The following PCDH9 variants were observed in gnomAD, a reference collection of about 807,000 sequenced individuals.
PCDH9 encodes the protein protocadherin-9.
PCDH9 carries 24 observed loss-of-function variants against 70.6 expected under a neutral mutation model. That is an observed-to-expected ratio of 0.34 (90% CI 0.25 to 0.48). PCDH9 has a LOEUF of 0.48. Among genes scored for constraint, PCDH9 ranks in the 20% least tolerant of loss-of-function variants. PCDH9 has a pLI of 0.99. For missense variants in PCDH9, 1,281 were observed against 1,503.6 expected (o/e 0.85, Z 2.45); for synonymous variants, 562 against 558.5 (o/e 1.01, Z -0.09).
chr13:67,018,018 A>G (rs2084595867), intron 2 of PCDH9, among the ~76,000 whole-genome samples: 1 of 152,102 alleles, frequency 6.6e-6, no homozygotes, highest in Non-Finnish European at 1.5e-5. Flanking sequence ...TGTTCTGTTA[A>G]TTTTTTTGAT....
chr13:66,763,183 A>G (rs117047886), intron 3 of PCDH9, among the ~76,000 whole-genome samples: 6,391 of 151,950 alleles, frequency 0.042, 176 homozygotes, highest in Middle Eastern at 0.12. Context: ...TATGAATTTT[A>G]TAAAATGACA....
rs2077360628 is a variant in PCDH9 at position 66,616,680 on chromosome 13, T to C, written c.3340+14530A>G. On this transcript the variant is annotated intron_variant, in intron 4 of 4. Transcript: ENST00000377865. ...AATAGGATGACTATCACTTGGAGGT[T>C]TCCTTTCTGGGAAAGCAGGACCAAG... Among the ~76,000 whole-genome samples the C allele has an allele frequency of 2.6e-5, 4 of 152,040 alleles. No individual in the cohort carries two copies. In the South Asian group the frequency reaches 8.3e-4, roughly 32 times the overall value.
intron 4 of PCDH9, among the ~76,000 whole-genome samples, chr13:66,405,867 C>T (rs1052121021): frequency 1.3e-4 from 19 of 151,980 alleles, no homozygotes; most frequent in Non-Finnish European, 2.5e-4. Flanking sequence ...ATTATTAGTG[C>T]CCCCTTTTAC....
chr13:66,698,895 C>CTTTTT (rs67333897), intron 3 of PCDH9, among the ~76,000 whole-genome samples: 463 of 60,052 alleles, frequency 7.7e-3, no homozygotes, highest in Non-Finnish European at 8.6e-3. Flanking sequence ...CTCAATTCCT[C>CTTTTT]TTTTTTTTTT....
chr13:66,596,800 T>A (rs1405262348), intron 4 of PCDH9, among the ~76,000 whole-genome samples: 2 of 146,722 alleles, frequency 1.4e-5, no homozygotes, highest in East Asian at 3.9e-4. Flanking sequence ...CCAATTAACC[T>A]CTTTTATAAT....
At chr13:66,929,323 A>T (rs2082768286) in intron 2 of PCDH9, among the ~76,000 whole-genome samples, 1 of 151,114 alleles carries the variant, frequency 6.6e-6, no homozygotes, top group Non-Finnish European at 1.5e-5. Context: ...ATTAATTTTT[A>T]ATTTTTTATA....
At chr13:66,894,004 T>C (rs2082136428) in intron 3 of PCDH9, among the ~76,000 whole-genome samples, 1 of 152,140 alleles carries the variant, frequency 6.6e-6, no homozygotes, top group Non-Finnish European at 1.5e-5. Flanking sequence ...AGTTATTTCA[T>C]AAAATTTAAA....
At chr13:66,442,776 G>T (rs1483722357) in intron 4 of PCDH9, among the ~76,000 whole-genome samples, 3 of 151,980 alleles carry the variant, frequency 2.0e-5, no homozygotes, top group African/African-American at 7.2e-5. Context: ...AAACCATTTG[G>T]ACTCTCCTCA....
chr13:66,479,366 G>T (rs771386578), intron 4 of PCDH9, among the ~76,000 whole-genome samples: 1 of 152,108 alleles, frequency 6.6e-6, no homozygotes, highest in South Asian at 2.1e-4. Flanking sequence ...TTGGCTTCCC[G>T]GTCATATTAT....
intron 3 of PCDH9, among the ~76,000 whole-genome samples, chr13:66,698,143 T>C (rs2078589245): frequency 6.6e-6 from 1 of 152,138 alleles, no homozygotes; most frequent in African/African-American, 2.4e-5. Flanking sequence ...TGGGAAGTTA[T>C]TGTTTAATGG....
chr13:66,615,766 G>T (rs2077347951), intron 4 of PCDH9, among the ~76,000 whole-genome samples: 1 of 152,178 alleles, frequency 6.6e-6, no homozygotes, highest in Non-Finnish European at 1.5e-5. Context: ...TTGTTGTTCA[G>T]AGTCAAGGAA....
intron 4 of PCDH9, among the ~76,000 whole-genome samples, chr13:66,395,707 A>G (rs894922857): frequency 6.6e-6 from 1 of 152,218 alleles, no homozygotes; most frequent in Non-Finnish European, 1.5e-5. Context: ...TGTGTCAGCA[A>G]AATACTCTGC....
chr13:67,101,448 C>T (rs1368678493), intron 2 of PCDH9, among the ~76,000 whole-genome samples: 2 of 152,148 alleles, frequency 1.3e-5, no homozygotes, highest in African/African-American at 4.8e-5. Flanking sequence ...AAGTAGGTTG[C>T]TTAGTTGCCA....
intron 2 of PCDH9, among the ~76,000 whole-genome samples, chr13:67,168,307 T>C (rs1205258801): frequency 6.6e-6 from 1 of 152,144 alleles, no homozygotes; most frequent in Non-Finnish European, 1.5e-5. Flanking sequence ...TTCAGGAACA[T>C]TGATTCTGAG....
At chr13:66,483,765 G>A (rs1471578896) in intron 4 of PCDH9, among the ~76,000 whole-genome samples, 1 of 152,260 alleles carries the variant, frequency 6.6e-6, no homozygotes, top group African/African-American at 2.4e-5. Context: ...CACGGACCTA[G>A]GTGAGGACAG....
intron 4 of PCDH9, among the ~76,000 whole-genome samples, chr13:66,408,781 T>C (rs914568593): frequency 6.6e-6 from 1 of 152,100 alleles, no homozygotes; most frequent in African/African-American, 2.4e-5. Context: ...AATCACTGAA[T>C]AGGCTTAAGT....
Position 66,700,952 on chromosome 13 carries a change from A to G in PCDH9, c.3139-69541T>C, listed in dbSNP as rs894648690. On this transcript the variant is annotated intron_variant, in intron 3 of 4. Coordinates refer to ENST00000377865, the MANE Select transcript of PCDH9 (RefSeq NM_203487.3). ...TATATATATATATATATATATATAT[A>G]TATATATATATATATATACTTTTTC... Among the ~76,000 whole-genome samples the G allele has an allele frequency of 3.1e-4, 42 of 133,974 alleles. 2 individuals carry two copies. The South Asian group carries it at 3.1e-3, about 10-fold the overall frequency. The allele number at this position is 133,974 out of a possible 152,430, so 87.9% of individuals were successfully genotyped here.
chr13:66,659,804 C>CTG (rs972543298), intron 3 of PCDH9, among the ~76,000 whole-genome samples: 3 of 149,534 alleles, frequency 2.0e-5, no homozygotes, highest in African/African-American at 5.0e-5. Flanking sequence ...GGGTGTGTGC[C>CTG]TGTGTGTGTG....
chr13:66,802,176 T>A lies in PCDH9; in HGVS notation c.3138+101328A>T, dbSNP rs537761410. On this transcript the variant is annotated intron_variant, in intron 3 of 4. Transcript: ENST00000377865. Reference sequence around the variant, plus strand: ...TTTGTTTTAGTCTGCCCTTAAAAAATAATTCTAGTTAGTATTAATCAAAGT... The same window carrying A: ...TTTGTTTTAGTCTGCCCTTAAAAAAAAATTCTAGTTAGTATTAATCAAAGT... Among the ~76,000 whole-genome samples the A allele has an allele frequency of 5.3e-5, 8 of 152,064 alleles. No individual in the cohort carries two copies. In the East Asian group the frequency reaches 1.5e-3, roughly 29 times the overall value.
Sources: gnomAD v4.1 joint callset for allele counts (sites outside exome capture counted in the v4.1 genomes callset) on GRCh38, gnomAD v4.1.1 for gene constraint, MANE v1.5 for transcripts, NCBI Gene and HGNC (gene_info 2026-07-23, HGNC 2026-07-21) for gene names.